FOXN3: variants seen among roughly 807,000 people sequenced by gnomAD.
FOXN3 encodes forkhead box protein N3.
A neutral mutation model predicts 38.4 loss-of-function variants in FOXN3; 7 were observed. The ratio of observed to expected loss-of-function variants is 0.18; its 90% CI spans 0.10 to 0.34. The LOEUF (loss-of-function observed/expected upper bound fraction) is 0.34. FOXN3 is among the 10% of genes least tolerant of loss of function. FOXN3 has a pLI of 1.00. For synonymous variants in FOXN3, 230 were observed against 242.2 expected (o/e 0.95, Z 0.47); for missense variants, 456 against 613.4 (o/e 0.74, Z 2.71).
chr14:89,227,622 G>A (rs1011485097), intron 4 of FOXN3, among the ~76,000 whole-genome samples: 1 of 152,148 alleles, frequency 6.6e-6, no homozygotes, highest in Non-Finnish European at 1.5e-5. Context: ...GACCCCCAGT[G>A]AGTCATCTCT....
intron 3 of FOXN3, among the ~76,000 whole-genome samples, chr14:89,316,928 G>A (rs1436777799): frequency 6.6e-6 from 1 of 152,194 alleles, no homozygotes; most frequent in Non-Finnish European, 1.5e-5. Context: ...GCCTCCCAAA[G>A]TGCTGGGATT....
intron 1 of FOXN3, among the ~76,000 whole-genome samples, chr14:89,568,103 C>G (rs372378132): frequency 2.0e-5 from 3 of 152,024 alleles, no homozygotes; most frequent in East Asian, 1.9e-4. Flanking sequence ...CGCTGCCCCC[C>G]CAAATTTCTC....
intron 1 of FOXN3, among the ~76,000 whole-genome samples, chr14:89,597,556 A>C (rs1896082043): frequency 6.6e-6 from 1 of 152,134 alleles, no homozygotes; most frequent in African/African-American, 2.4e-5. Flanking sequence ...GGTGTTTTAA[A>C]ATTTCTAACT....
intron 3 of FOXN3, among the ~76,000 whole-genome samples, chr14:89,332,273 C>T (rs1266358663): frequency 1.3e-5 from 2 of 152,132 alleles, no homozygotes; most frequent in African/African-American, 4.8e-5. Context: ...TTTTAAATAC[C>T]ATATCCAGCT....
intron 1 of FOXN3, among the ~76,000 whole-genome samples, chr14:89,579,745 A>C (rs1895707463): frequency 6.6e-6 from 1 of 152,108 alleles, no homozygotes; most frequent in South Asian, 2.1e-4. Flanking sequence ...CACCCTTACC[A>C]AATGGTTCAA....
intron 3 of FOXN3, among the ~76,000 whole-genome samples, chr14:89,323,287 C>CAA (rs60059606): frequency 1.9e-3 from 148 of 75,960 alleles, no homozygotes; most frequent in African/African-American, 6.2e-3. Flanking sequence ...GACTCCATCT[C>CAA]AAAAAAAAAA....
chr14:89,483,469 C>T (rs567820207), intron 1 of FOXN3, among the ~76,000 whole-genome samples: 65 of 152,226 alleles, frequency 4.3e-4, no homozygotes, highest in African/African-American at 1.6e-3. Flanking sequence ...AATGCAATAG[C>T]GCGATCTCGG....
chr14:89,617,722 T>C (rs1250027378), intron 1 of FOXN3, among the ~76,000 whole-genome samples: 1 of 152,232 alleles, frequency 6.6e-6, no homozygotes, highest in Non-Finnish European at 1.5e-5. Flanking sequence ...CAAAATGGCC[T>C]ACTTTATGTG....
intron 2 of FOXN3, among the ~76,000 whole-genome samples, chr14:89,375,060 T>C (rs1890435738): frequency 6.6e-6 from 1 of 151,684 alleles, no homozygotes; most frequent in African/African-American, 2.4e-5. Context: ...GGACAGAAAG[T>C]GGTCACACCA....
chr14:89,455,215 C>T (rs1357731010), intron 1 of FOXN3, among the ~76,000 whole-genome samples: 1 of 152,198 alleles, frequency 6.6e-6, no homozygotes, highest in Non-Finnish European at 1.5e-5. Flanking sequence ...GCCGATATGC[C>T]ATCGGCATTT....
chr14:89,249,653 G>T (rs1433189063), intron 4 of FOXN3, among the ~76,000 whole-genome samples: 1 of 152,234 alleles, frequency 6.6e-6, no homozygotes, highest in African/African-American at 2.4e-5. Context: ...ACTCTTGGCT[G>T]TAGAGGAAGG....
chr14:89,420,189 T>G (rs976689863), upstream of FOXN3, among the ~76,000 whole-genome samples: 2 of 152,256 alleles, frequency 1.3e-5, no homozygotes, highest in African/African-American at 2.4e-5. Flanking sequence ...CTTCTGACTT[T>G]TAGCACCCAC....
At chr14:89,543,115 T>C (rs1359535367) in intron 1 of FOXN3, among the ~76,000 whole-genome samples, 2 of 152,216 alleles carry the variant, frequency 1.3e-5, no homozygotes, top group African/African-American at 2.4e-5. Context: ...TCACGTATAC[T>C]TGAAGAAACA....
At position 89,161,578 on chromosome 14, in the gene FOXN3, T is replaced by TGTGTGC. The variant is rs1303817906; in HGVS notation, c.*835_*836insGCACAC. 73 of 146,290 alleles carry TGTGTGC rather than the reference T, an allele frequency of 5.0e-4. No individual in the cohort carries two copies. The highest frequency in any genetic ancestry group is 1.7e-3 in the African/African-American group (70 of 40,408). The allele number at this position is 146,290 out of a possible 1,614,324, so 9.1% of individuals were successfully genotyped here. A position where few individuals can be genotyped will look rare whatever the true frequency, so the allele number is the denominator to read the frequency against. ...CTTCGTGTGTGTGTGTGTGTGTGTG[T>TGTGTGC]GTGTGTGTGTGTGTGTGTGCGTGCG... is the stretch of plus-strand genomic sequence containing the variant. On this transcript the variant is annotated 3_prime_UTR_variant, in exon 6 of 6. Transcript: ENST00000557258.
intron 2 of FOXN3, among the ~76,000 whole-genome samples, chr14:89,386,785 G>C (rs781010224): frequency 6.6e-6 from 1 of 152,152 alleles, no homozygotes; most frequent in Middle Eastern, 3.2e-3. Flanking sequence ...GACTCTCTTC[G>C]TGAGAAGACG....
rs1887185408 is a variant in FOXN3, at chr14:89,164,377, G to T, written c.852-1408C>A. Among the ~76,000 whole-genome samples, 1 of 152,174 alleles carries T rather than the reference G, an allele frequency of 6.6e-6. No individual in the cohort carries two copies. Among genetic ancestry groups the T allele is most frequent in the South Asian group, 2.1e-4 (1 of 4,822 alleles). ...TGTTCTATGGCACCATGCTGGCCCGGTTTCCTGTAAGCTCATCTACCTCGT... is the reference window on the plus strand; with the variant it reads ...TGTTCTATGGCACCATGCTGGCCCGTTTTCCTGTAAGCTCATCTACCTCGT... On this transcript the variant is annotated intron_variant, in intron 5 of 5. Transcript: ENST00000557258. The surrounding 1 kb of genome is among the most constrained non-coding windows in gnomAD (Gnocchi z 4.3).
chr14:89,288,689 T>C (rs1217613270), intron 3 of FOXN3, among the ~76,000 whole-genome samples: 1 of 100,850 alleles, frequency 9.9e-6, no homozygotes, highest in Admixed American at 1.1e-4. Context: ...TCTCTCTCTC[T>C]CTCTCTCTCT....
intron 1 of FOXN3, among the ~76,000 whole-genome samples, chr14:89,445,678 C>A (rs1892477362): frequency 6.6e-6 from 1 of 152,024 alleles, no homozygotes; most frequent in South Asian, 2.1e-4. Flanking sequence ...TCAGAAGAGA[C>A]CAGAGTTTGA....
At chr14:89,284,441 G>GC (rs1207827586) in intron 3 of FOXN3, 1 of 455,842 alleles carries the variant, frequency 2.2e-6, no homozygotes, top group Non-Finnish European at 4.4e-6. Flanking sequence ...AGAGACACAC[G>GC]CATCAACAGC....
Sources: allele counts gnomAD v4.1 joint callset (sites outside exome capture counted in the v4.1 genomes callset), GRCh38; gene constraint gnomAD v4.1.1; non-coding constraint Gnocchi (gnomAD v3.1); transcripts MANE v1.5; gene names NCBI Gene and HGNC (gene_info 2026-07-23, HGNC 2026-07-21).